ACTMAP: variants seen among roughly 807,000 people sequenced by gnomAD.
The protein encoded by ACTMAP is UPF0692 protein C19orf54.
At chr19:40,745,969 G>A in the ACTMAP span, among the ~76,000 whole-genome samples, 6 of 152,154 alleles carry the variant, frequency 3.9e-5, no homozygotes, top group Admixed American at 1.3e-4. Flanking sequence ...CACCGTGCCC[G>A]ACTCTTTTTA....
chr19:40,744,262 G>A, the ACTMAP span: 1 of 1,477,156 alleles, frequency 6.8e-7, no homozygotes, highest in Non-Finnish European at 9.0e-7. Flanking sequence ...AGGGCTCACA[G>A]TGGGCGATGC....
the ACTMAP span, chr19:40,749,653 G>C: frequency 6.5e-7 from 1 of 1,547,658 alleles, no homozygotes; most frequent in Non-Finnish European, 8.7e-7. Flanking sequence ...GGGGGAACAG[G>C]GGTCTGCTGA....
At chr19:40,745,281 C>T in the ACTMAP span, 1 of 1,347,110 alleles carries the variant, frequency 7.4e-7, no homozygotes, top group South Asian at 1.3e-5. Flanking sequence ...GTGGTCGTAT[C>T]CAGGGATGAT....
At chr19:40,750,450 A>G in the ACTMAP span, 1 of 152,108 alleles carries the variant, frequency 6.6e-6, no homozygotes, top group Non-Finnish European at 1.5e-5. Context: ...AAAGGAAAGG[A>G]GTCAGGAAGT....
the ACTMAP span, among the ~76,000 whole-genome samples, chr19:40,747,083 A>G: frequency 6.6e-6 from 1 of 152,028 alleles, no homozygotes; most frequent in Non-Finnish European, 1.5e-5. Context: ...CTGGGATTAT[A>G]GGCATGAGCC....
the ACTMAP span, among the ~76,000 whole-genome samples, chr19:40,746,282 C>A: frequency 6.6e-6 from 1 of 151,998 alleles, no homozygotes; most frequent in African/African-American, 2.4e-5. Flanking sequence ...TGCAATGGTG[C>A]GATCTTGGCT....
chr19:40,742,236 G>A, the ACTMAP span: 12 of 714,592 alleles, frequency 1.7e-5, no homozygotes, highest in East Asian at 5.4e-5. Flanking sequence ...TAGGCAGGCC[G>A]CAGGGTCCGG....
At chr19:40,743,873 T>C in the ACTMAP span, 1 of 1,610,280 alleles carries the variant, frequency 6.2e-7, no homozygotes, top group East Asian at 2.2e-5. Flanking sequence ...AGACCCAGGT[T>C]GAGGGGTGCA....
the ACTMAP span, chr19:40,749,983 T>A: frequency 2.0e-6 from 1 of 501,268 alleles, no homozygotes; most frequent in African/African-American, 2.0e-5. Context: ...GAGCAGGAAT[T>A]GCGAGGCTGA....
chr19:40,742,154 T>A, the ACTMAP span: 1 of 623,618 alleles, frequency 1.6e-6, no homozygotes, highest in South Asian at 1.5e-5. Context: ...AGGCAGGAGG[T>A]TCCTCAAATG....
the ACTMAP span, chr19:40,745,248 C>G: frequency 2.6e-6 from 4 of 1,538,620 alleles, no homozygotes; most frequent in South Asian, 2.4e-5. Flanking sequence ...TGAAGCACCC[C>G]CTACCCTGAG....
chr19:40,743,234 AT>A, the ACTMAP span, among the ~76,000 whole-genome samples: 101,282 of 138,396 alleles, frequency 0.73, 36,661 homozygotes, highest in African/African-American at 0.77. Flanking sequence ...GCCCTGTTCT[AT>A]TTTTTTTTTT....
the ACTMAP span, chr19:40,745,136 CCTT>C: frequency 1.3e-6 from 2 of 1,551,920 alleles, no homozygotes; most frequent in Non-Finnish European, 1.7e-6. Flanking sequence ...ATACTGAGGG[CCTT>C]CTTGGATGAG....
At chr19:40,749,760 G>A in the ACTMAP span, 42 of 1,480,454 alleles carry the variant, frequency 2.8e-5, no homozygotes, top group Non-Finnish European at 3.4e-5. Flanking sequence ...GGTTTTTGGA[G>A]GAGAAATTGG....
the ACTMAP span, chr19:40,749,456 G>T: frequency 6.5e-7 from 1 of 1,540,540 alleles, no homozygotes; most frequent in Non-Finnish European, 8.8e-7. Flanking sequence ...GAGCCTGGGT[G>T]GTGGGTGGGG....
At chr19:40,747,275 G>A in the ACTMAP span, among the ~76,000 whole-genome samples, 4 of 151,780 alleles carry the variant, frequency 2.6e-5, no homozygotes, top group African/African-American at 9.7e-5. Context: ...AGCAGCTCAC[G>A]CCTGTAATCC....
the ACTMAP span, chr19:40,742,879 T>G: frequency 9.2e-7 from 1 of 1,092,846 alleles, no homozygotes; most frequent in Non-Finnish European, 1.3e-6. Flanking sequence ...GCAGCTGCCA[T>G]TCCTAGGTTA....
At chr19:40,744,374 G>A in the ACTMAP span, among the ~76,000 whole-genome samples, 1 of 152,190 alleles carries the variant, frequency 6.6e-6, no homozygotes, top group Non-Finnish European at 1.5e-5. Flanking sequence ...AGAGGTGGCA[G>A]AGCTGGGTTT....
At chr19:40,746,448 T>A in the ACTMAP span, among the ~76,000 whole-genome samples, 2 of 152,080 alleles carry the variant, frequency 1.3e-5, no homozygotes, top group South Asian at 2.1e-4. Context: ...CGATCTTGGC[T>A]CACTGCAAGC....
Sources: allele counts gnomAD v4.1 joint callset (sites outside exome capture counted in the v4.1 genomes callset), GRCh38; gene constraint gnomAD v4.1.1; transcripts MANE v1.5; gene names NCBI Gene and HGNC (gene_info 2026-07-23, HGNC 2026-07-21).